Variants in FBXL2 observed in about 807,000 individuals in gnomAD.
FBXL2 encodes the protein F-box/LRR-repeat protein 2.
In FBXL2, 38 loss-of-function variants were observed where a neutral mutation model predicts 69.2. That is an observed-to-expected ratio of 0.55 (90% CI 0.42 to 0.72). FBXL2 has a LOEUF of 0.72. FBXL2 is among the 30% of genes least tolerant of loss of function. The pLI, the probability that FBXL2 is intolerant of heterozygous loss-of-function variation, is 0.00. For missense variants in FBXL2, 354 were observed against 520.3 expected (o/e 0.68, Z 3.11); for synonymous variants, 192 against 201.3 (o/e 0.95, Z 0.39).
intron 2 of FBXL2, among the ~76,000 whole-genome samples, chr3:33,311,166 C>T (rs2037159170): frequency 6.6e-6 from 1 of 152,134 alleles, no homozygotes; most frequent in South Asian, 2.1e-4. Context: ...TTGAAGTTTC[C>T]TTGTATGTGA....
chr3:33,396,183 T>C (rs763871782), intron 12 of FBXL2: 28 of 1,584,536 alleles, frequency 1.8e-5, no homozygotes, highest in Non-Finnish European at 2.3e-5. Context: ...CCACTGCCAT[T>C]CTCGCTTGCA....
At chr3:33,357,442 G>A (rs2041280736) in intron 2 of FBXL2, among the ~76,000 whole-genome samples, 1 of 151,454 alleles carries the variant, frequency 6.6e-6, no homozygotes, top group African/African-American at 2.4e-5. Flanking sequence ...AGGTAGATGT[G>A]TAGATATCCT....
At chr3:33,378,299 G>A (rs1041557570) in intron 12 of FBXL2, 152 bp downstream of exon 12, 2 of 756,388 alleles carry the variant, frequency 2.6e-6, no homozygotes, top group Non-Finnish European at 4.5e-6. Context: ...GGCCATGGCA[G>A]TGGATGCGTG....
chr3:33,400,951 A>C, intron 12 of FBXL2: 1 of 1,592,718 alleles, frequency 6.3e-7, no homozygotes, highest in Non-Finnish European at 8.5e-7. Flanking sequence ...TTTTAGGAGA[A>C]AGATACTTAC....
Sources: allele counts gnomAD v4.1 joint callset (sites outside exome capture counted in the v4.1 genomes callset), GRCh38; gene constraint gnomAD v4.1.1; transcripts MANE v1.5; gene names NCBI Gene and HGNC (gene_info 2026-07-23, HGNC 2026-07-21).